Variants in TSC22D2 observed in about 807,000 individuals in gnomAD.
TSC22D2 encodes the protein TSC22 domain family protein 2.
In TSC22D2, 5 loss-of-function variants were observed where a neutral mutation model predicts 50.1. That is an observed-to-expected ratio of 0.10 (90% CI 0.05 to 0.21). TSC22D2 has a LOEUF of 0.21. Among genes scored for constraint, TSC22D2 ranks in the 10% least tolerant of loss-of-function variants. The pLI, the probability that TSC22D2 is intolerant of heterozygous loss-of-function variation, is 1.00. For missense variants in TSC22D2, 1,003 were observed against 1,015.5 expected (o/e 0.99, Z 0.17); for synonymous variants, 501 against 450.1 (o/e 1.11, Z -1.43).
At chr3:150,437,272 C>G (rs1720575515) in intron 1 of TSC22D2, among the ~76,000 whole-genome samples, 2 of 152,078 alleles carry the variant, frequency 1.3e-5, no homozygotes, top group Non-Finnish European at 2.9e-5. Flanking sequence ...CTTCCTACCT[C>G]CAGTTTTCTT....
chr3:150,463,417 C>A lies in TSC22D2; in HGVS notation c.*4781C>A, dbSNP rs566349333. On this transcript the variant is annotated 3_prime_UTR_variant, in exon 3 of 3. Coordinates refer to ENST00000688009, the MANE Select transcript of TSC22D2 (RefSeq NM_001303264.2). ...CTTCTGCTTCAAGCCTCTTAATAAT[C>A]CATATTTCTATTTTCTAGCAATAGT... The A allele has an allele frequency of 2.8e-4, 43 of 152,294 alleles. No homozygotes were observed. Among genetic ancestry groups the A allele is most frequent in the African/African-American group, 1.0e-3 (42 of 41,566 alleles). 9.4% of individuals were successfully genotyped at this position (152,294 alleles called of 1,614,324 possible). A position where few individuals can be genotyped will look rare whatever the true frequency, so the allele number is the denominator to read the frequency against.
intron 1 of TSC22D2, among the ~76,000 whole-genome samples, chr3:150,425,314 C>G (rs1006238400): frequency 1.3e-4 from 20 of 152,132 alleles, no homozygotes; most frequent in Admixed American, 2.0e-4. Flanking sequence ...CACCTGAGGT[C>G]AGAAGTTCGA....
At chr3:150,436,121 T>C (rs1045677828) in intron 1 of TSC22D2, among the ~76,000 whole-genome samples, 47 of 152,168 alleles carry the variant, frequency 3.1e-4, no homozygotes, top group African/African-American at 1.1e-3. Flanking sequence ...ACAACTAATT[T>C]TGAAAATATA....
Position 150,411,064 on chromosome 3 carries a change from C to G in TSC22D2, c.1714C>G (p.Leu572Val). The change falls in exon 1 of 3, where the codon CTA becomes GTA. Residue 572 changes from leucine to valine, a missense_variant. Physicochemically the swap from Leu to Val is conservative, Grantham distance 32. Coordinates refer to ENST00000688009, the MANE Select transcript of TSC22D2 (RefSeq NM_001303264.2). ...APGTHSAPTS[L>V]PQSDLSQFQT... ...AGGCACACACAGCGCACCAACAAGTCTACCACAGTCTGACCTAAGCCAGTT... is the reference window on the plus strand; with the variant it reads ...AGGCACACACAGCGCACCAACAAGTGTACCACAGTCTGACCTAAGCCAGTT... 1.2e-6 allele frequency: 2 copies of G among 1,614,210 alleles called. No individual in the cohort carries two copies. Among genetic ancestry groups the G allele is most frequent in the South Asian group, 1.1e-5 (1 of 91,082 alleles).
At chr3:150,435,967 T>C (rs1382211429) in intron 1 of TSC22D2, among the ~76,000 whole-genome samples, 2 of 152,180 alleles carry the variant, frequency 1.3e-5, no homozygotes, top group Non-Finnish European at 2.9e-5. Context: ...TAATTTTAAA[T>C]TTTGAAGGGT....
intron 1 of TSC22D2, chr3:150,456,874 G>C (rs1283678142): frequency 1.1e-5 from 6 of 555,198 alleles, no homozygotes; most frequent in Non-Finnish European, 1.9e-5. Context: ...CACTACAAAG[G>C]ACCTGTAGAA....
In TSC22D2 at chr3:150,409,944, C is replaced by T. The variant is rs34667041; in HGVS notation, c.594C>T (p.Ser198=). Residue 198 remains serine (S), a synonymous_variant, in exon 1 of 3, where the codon TCC becomes TCT. Transcript: ENST00000688009. This position sits in a 1 kb window ranked among gnomAD's most constrained non-coding sequence, Gnocchi z 7.4. Reference sequence around the variant, plus strand: ...CAGACAGCAGCGTCCTGACTAGATCCGGGGATTGCATTAGACACAGCAGTA... The same window carrying T: ...CAGACAGCAGCGTCCTGACTAGATCTGGGGATTGCATTAGACACAGCAGTA... The part of the protein sequence containing the change: ...RDSDSSVLTR[S]GDCIRHSSTF... 2.0e-3 allele frequency: 3,166 copies of T among 1,613,954 alleles called. 41 individuals are homozygous for T. The African/African-American group carries it at 0.033, about 17-fold the overall frequency.
intron 1 of TSC22D2, among the ~76,000 whole-genome samples, chr3:150,449,488 A>G (rs2108098954): frequency 6.6e-6 from 1 of 152,300 alleles, no homozygotes; most frequent in African/African-American, 2.4e-5. Context: ...AATGTAAATT[A>G]TAATGTATTG....
intron 1 of TSC22D2, among the ~76,000 whole-genome samples, chr3:150,435,007 T>C (rs1294136145): frequency 3.3e-5 from 5 of 152,160 alleles, no homozygotes; most frequent in Non-Finnish European, 7.4e-5. Flanking sequence ...AGATGGAGTC[T>C]TGCTCTGTCA....
At position 150,411,123 on chromosome 3, in the gene TSC22D2, C is replaced by A; in HGVS notation, c.1773C>A (p.Val591=). ...QTQTQPLVGQ[V]DDTRRKSEPL... is the part of the protein sequence containing the mutation. ...AGACCCAGCCTTTAGTCGGGCAAGT[C>A]GACGATACTAGAAGAAAATCAGAAC... The change falls in exon 1 of 3, where the codon GTC becomes GTA. Residue 591 remains valine, a synonymous_variant. Transcript: ENST00000688009. 1 of 1,614,116 alleles carries A rather than the reference C, an allele frequency of 6.2e-7. No homozygotes were observed.
At chr3:150,432,165 A>G (rs559279559) in intron 1 of TSC22D2, among the ~76,000 whole-genome samples, 1 of 152,342 alleles carries the variant, frequency 6.6e-6, no homozygotes, top group African/African-American at 2.4e-5. Flanking sequence ...TGTTTTCGAC[A>G]CATTACCAGG....
chr3:150,428,433 T>C (rs1461647083), intron 1 of TSC22D2, among the ~76,000 whole-genome samples: 2 of 152,040 alleles, frequency 1.3e-5, no homozygotes, highest in Non-Finnish European at 2.9e-5. Flanking sequence ...GATGGAAACC[T>C]CAGGGCGTGG....
chr3:150,411,237 G>T lies in TSC22D2; in HGVS notation c.1887G>T (p.Gln629His), dbSNP rs749781385. ...CAGATTCCCTGGCAAACCCCCTTCA[G>T]TTAACACCTATGAACAGTCTGGCCA... ...PVADSLANPL[Q>H]LTPMNSLATS... Residue 629 changes from glutamine (Q) to histidine (H), a missense_variant, in exon 1 of 3, where the codon CAG (glutamine) becomes CAT (histidine). By Grantham distance (24) the Gln-to-His change is conservative (BLOSUM62 0). Around this residue, in one of 6 missense-constraint regions of TSC22D2, gnomAD observed 696 missense variants for 647.8 expected, o/e 1.07. Transcript: ENST00000688009. 6.2e-7 allele frequency: 1 copy of T among 1,614,166 alleles called. No individual in the cohort carries two copies. The highest frequency in any genetic ancestry group is 1.1e-5 in the South Asian group (1 of 91,088).
Position 150,411,191 on chromosome 3 carries a change from C to T in TSC22D2, c.1841C>T (p.Pro614Leu). The T allele has an allele frequency of 6.2e-7, 1 of 1,614,192 alleles. No individual in the cohort carries two copies. Among genetic ancestry groups the T allele is most frequent in the South Asian group, 1.1e-5 (1 of 91,080 alleles). The change falls in exon 1 of 3, where the codon CCT becomes CTT. Residue 614 changes from proline (P) to leucine (L), a missense_variant. By Grantham distance (98) the Pro-to-Leu change is moderately conservative. Transcript: ENST00000688009. ...CTTTCTCTCATTGCTGAAAATAAGC[C>T]TGTTGTGAAGCCGCCTGTTGCAGAT... is the stretch of plus-strand genomic sequence containing the variant. ...PPLSLIAENK[P>L]VVKPPVADSL...
At position 150,465,290 on chromosome 3, in the gene TSC22D2, C is replaced by T. The variant is rs1433523204; in HGVS notation, c.*6654C>T. 1 of 152,052 alleles carries T rather than the reference C, an allele frequency of 6.6e-6. No homozygotes were observed. Among genetic ancestry groups the T allele is most frequent in the Non-Finnish European group, 1.5e-5 (1 of 67,984 alleles). The allele number at this position is 152,052 out of a possible 1,614,324, so 9.4% of individuals were successfully genotyped here. A position where few individuals can be genotyped will look rare whatever the true frequency, so the allele number is the denominator to read the frequency against. On this transcript the variant is annotated 3_prime_UTR_variant, in exon 3 of 3. Coordinates refer to ENST00000688009, the MANE Select transcript of TSC22D2 (RefSeq NM_001303264.2). ...CTGTCCATTTGAAAATGCACATAAG[C>T]AAAGAACTTTACAAATAGGTTATAA...
rs762567609 is a variant in TSC22D2 at position 150,409,508 on chromosome 3, G to T, written c.158G>T (p.Arg53Leu). The T allele has an allele frequency of 6.2e-7, 1 of 1,613,034 alleles. No individual in the cohort carries two copies. Among genetic ancestry groups the T allele is most frequent in the Non-Finnish European group, 8.5e-7 (1 of 1,179,570 alleles). The change falls in exon 1 of 3, where the codon CGG (arginine) becomes CTG (leucine). Residue 53 changes from arginine to leucine, a missense_variant. By Grantham distance (102) the Arg-to-Leu change is moderately radical. Transcript: ENST00000688009. This position sits in a 1 kb window ranked among gnomAD's most constrained non-coding sequence, Gnocchi z 7.4. ...TCCTCCGAGATTTTCGACGTCTCTC[G>T]GGCCACGGATTATGGCCCTGAGGAG... ...DVSSEIFDVS[R>L]ATDYGPEEVC...
intron 1 of TSC22D2, among the ~76,000 whole-genome samples, chr3:150,425,509 T>TC: frequency 6.6e-6 from 1 of 152,246 alleles, no homozygotes; most frequent in South Asian, 2.1e-4. Flanking sequence ...AGAGCGAAAC[T>TC]CCATCTCAAA....
At chr3:150,425,039 C>T (rs1034469848) in intron 1 of TSC22D2, among the ~76,000 whole-genome samples, 1 of 152,070 alleles carries the variant, frequency 6.6e-6, no homozygotes, top group South Asian at 2.1e-4. Context: ...ATCATGAGAC[C>T]GTTTATTCCA....
chr3:150,417,158 C>T (rs1044590480), intron 1 of TSC22D2, among the ~76,000 whole-genome samples: 5 of 152,016 alleles, frequency 3.3e-5, no homozygotes, highest in Admixed American at 2.6e-4. Context: ...TAAAATTTGT[C>T]TAAAGAATAT....
Sources: allele counts gnomAD v4.1 joint callset (sites outside exome capture counted in the v4.1 genomes callset), GRCh38; gene constraint gnomAD v4.1.1; regional missense constraint gnomAD v4.1.1; non-coding constraint Gnocchi (gnomAD v3.1); transcripts MANE v1.5; gene names NCBI Gene and HGNC (gene_info 2026-07-23, HGNC 2026-07-21).